Variants in ARHGEF26 observed in about 807,000 individuals in gnomAD.
ARHGEF26 encodes Rho guanine nucleotide exchange factor 26.
Under a neutral mutation model 89.4 loss-of-function variants are expected in ARHGEF26, and 59 were observed. The observed-to-expected ratio is 0.66, with a 90% CI of 0.54 to 0.82. The LOEUF (loss-of-function observed/expected upper bound fraction) is 0.82, where lower values mean the gene tolerates loss of function less well. ARHGEF26 is among the 40% of genes least tolerant of loss of function. The probability of loss-of-function intolerance (pLI) is 0.00; values close to 1 mark genes in which losing one functional copy is unlikely to be tolerated. For synonymous variants in ARHGEF26, 500 were observed against 428.4 expected (o/e 1.17, Z -2.06); for missense variants, 1,234 against 1,085.6 (o/e 1.14, Z -1.92).
intron 4 of ARHGEF26, among the ~76,000 whole-genome samples, chr3:154,134,311 G>C (rs971578777): frequency 6.6e-6 from 1 of 152,110 alleles, no homozygotes; most frequent in Non-Finnish European, 1.5e-5. Flanking sequence ...CAGGAAAAAG[G>C]GTTCAATGGG....
intron 5 of ARHGEF26, 72 bp from the exon 6 acceptor site, chr3:154,152,700 A>G: frequency 8.4e-7 from 1 of 1,187,822 alleles, no homozygotes; most frequent in Non-Finnish European, 1.1e-6. Flanking sequence ...TTCTTACAGC[A>G]AAATTATGAG....
intron 11 of ARHGEF26, among the ~76,000 whole-genome samples, 170 bp downstream of exon 11, chr3:154,226,180 G>GT (rs1716472981): frequency 1.3e-5 from 2 of 152,216 alleles, no homozygotes; most frequent in South Asian, 4.2e-4. Context: ...TGCTTATGTA[G>GT]TTTCAGACGA....
intron 6 of ARHGEF26, among the ~76,000 whole-genome samples, chr3:154,183,479 C>G (rs1442040151): frequency 1.3e-5 from 2 of 152,176 alleles, no homozygotes; most frequent in Non-Finnish European, 2.9e-5. Context: ...AAGTTTCATC[C>G]AGGGAACCAG....
chr3:154,224,151 C>T (rs1236037559), intron 10 of ARHGEF26, among the ~76,000 whole-genome samples: 1 of 152,174 alleles, frequency 6.6e-6, no homozygotes, highest in Non-Finnish European at 1.5e-5. Flanking sequence ...CACTCATGCT[C>T]ACTTTGGGCT....
chr3:154,157,124 G>A (rs1293959852), intron 6 of ARHGEF26, among the ~76,000 whole-genome samples: 1 of 152,130 alleles, frequency 6.6e-6, no homozygotes, highest in South Asian at 2.1e-4. Context: ...GTGTGTGTAC[G>A]TATGTATCAG....
chr3:154,239,967 G>T (rs373063990), intron 11 of ARHGEF26, among the ~76,000 whole-genome samples: 1 of 152,036 alleles, frequency 6.6e-6, no homozygotes, highest in African/African-American at 2.4e-5. Context: ...GGGGGTTTGG[G>T]GGGTGAGGTC....
intron 3 of ARHGEF26, among the ~76,000 whole-genome samples, chr3:154,126,804 T>C (rs1293033091): frequency 6.6e-6 from 1 of 152,208 alleles, no homozygotes; most frequent in Non-Finnish European, 1.5e-5. Context: ...CATCACTTAA[T>C]GATGAGGATA....
At chr3:154,236,261 G>T (rs1315074528) in intron 11 of ARHGEF26, among the ~76,000 whole-genome samples, 2 of 152,150 alleles carry the variant, frequency 1.3e-5, no homozygotes, top group African/African-American at 4.8e-5. Flanking sequence ...CTCAACAAAG[G>T]TTACTAGGAC....
chr3:154,188,598 A>G (rs891662941), intron 7 of ARHGEF26, among the ~76,000 whole-genome samples: 4 of 152,104 alleles, frequency 2.6e-5, no homozygotes, highest in South Asian at 2.1e-4. Flanking sequence ...CTGTAAACCC[A>G]GTTTGGGAGC....
intron 9 of ARHGEF26, among the ~76,000 whole-genome samples, chr3:154,202,709 G>T (rs1714725516): frequency 6.6e-6 from 1 of 150,534 alleles, no homozygotes; most frequent in Non-Finnish European, 1.5e-5. Flanking sequence ...CCTTGAAGAG[G>T]TCCTTCATGT....
chr3:154,235,735 T>C (rs1225660744), intron 11 of ARHGEF26, among the ~76,000 whole-genome samples: 1 of 152,122 alleles, frequency 6.6e-6, no homozygotes, highest in Admixed American at 6.5e-5. Context: ...GCCGTATTAG[T>C]GTCAGATCCC....
chr3:154,175,625 C>T (rs1018775728), intron 6 of ARHGEF26, among the ~76,000 whole-genome samples: 2 of 152,174 alleles, frequency 1.3e-5, no homozygotes, highest in Non-Finnish European at 2.9e-5. Context: ...TACTAATTTA[C>T]AAATTAGAAC....
intron 5 of ARHGEF26, among the ~76,000 whole-genome samples, chr3:154,151,943 CT>C (rs1424177848): frequency 6.6e-6 from 1 of 152,136 alleles, no homozygotes; most frequent in Non-Finnish European, 1.5e-5. Flanking sequence ...CCCTATATCC[CT>C]TTTTAGAGGA....
Position 154,123,034 on chromosome 3 carries a change from A to G in ARHGEF26, c.1042A>G (p.Met348Val), listed in dbSNP as rs372474018. ...RMSQPVLKVV[M>V]EDKEKFSSLG... ...GTCCCAGCCTGTTCTGAAAGTGGTG[A>G]TGGAAGACAAGGAGAAGTTTTCCAG... The change falls in exon 2 of 15, where the codon ATG becomes GTG. Residue 348 changes from methionine (M) to valine (V), a missense_variant. Coordinates refer to ENST00000465093, the MANE Select transcript of ARHGEF26 (RefSeq NM_015595.4). 5 of 1,613,874 alleles carry G rather than the reference A, an allele frequency of 3.1e-6. No individual in the cohort carries two copies. The Admixed American group carries it at 6.7e-5, about 22-fold the overall frequency.
intron 6 of ARHGEF26, among the ~76,000 whole-genome samples, chr3:154,164,476 A>G (rs1711874535): frequency 6.6e-6 from 1 of 151,890 alleles, no homozygotes; most frequent in Non-Finnish European, 1.5e-5. Context: ...TTTCCTTTGG[A>G]TTTCAAAAAG....
In ARHGEF26 at chr3:154,255,695, T is replaced by TC; in HGVS notation, c.*224dup. The TC allele has an allele frequency of 7.3e-7, 1 of 1,361,758 alleles. No individual in the cohort carries two copies. Among genetic ancestry groups the TC allele is most frequent in the Non-Finnish European group, 9.4e-7 (1 of 1,063,048 alleles). The allele number at this position is 1,361,758 out of a possible 1,614,324, so 84.4% of individuals were successfully genotyped here. A position where few individuals can be genotyped will look rare whatever the true frequency, so the allele number is the denominator to read the frequency against. ...TTACCTAACCACACACTTGCAGACC[T>TC]CCTGAGGTACACAGAATAGCTGAGC... On this transcript the variant is annotated 3_prime_UTR_variant, in exon 15 of 15. Coordinates refer to ENST00000465093, the MANE Select transcript of ARHGEF26 (RefSeq NM_015595.4).
intron 4 of ARHGEF26, among the ~76,000 whole-genome samples, chr3:154,147,277 C>T (rs541510743): frequency 3.4e-4 from 51 of 152,236 alleles, no homozygotes; most frequent in African/African-American, 1.1e-3. Context: ...CTGTGGTGCA[C>T]GCCTATAATC....
intron 11 of ARHGEF26, among the ~76,000 whole-genome samples, chr3:154,226,968 T>G (rs964926370): frequency 7.2e-5 from 11 of 152,162 alleles, no homozygotes; most frequent in African/African-American, 2.7e-4. Flanking sequence ...AATGTCCAAA[T>G]GTATCAGGCA....
At chr3:154,148,935 T>C (rs1719843645) in intron 4 of ARHGEF26, among the ~76,000 whole-genome samples, 1 of 152,170 alleles carries the variant, frequency 6.6e-6, no homozygotes, top group Non-Finnish European at 1.5e-5. Flanking sequence ...GGGGTCTTAG[T>C]GATGCTAGCC....
Sources: allele counts gnomAD v4.1 joint callset (sites outside exome capture counted in the v4.1 genomes callset), GRCh38; gene constraint gnomAD v4.1.1; transcripts MANE v1.5; gene names NCBI Gene and HGNC (gene_info 2026-07-23, HGNC 2026-07-21).